Variants in POLQ observed in about 807,000 individuals in gnomAD.
POLQ encodes the protein epididymis secretory sperm binding protein.
Under a neutral mutation model 259.2 loss-of-function variants are expected in POLQ, and 233 were observed. That is an observed-to-expected ratio of 0.90 (90% CI 0.81 to 1.00). The LOEUF (loss-of-function observed/expected upper bound fraction) is 1.00, where lower values mean the gene tolerates loss of function less well. Ranked by LOEUF, POLQ falls within the 50% of genes least tolerant of loss-of-function variation. POLQ has a pLI of 0.00. For synonymous variants in POLQ, 1,025 were observed against 1,048.8 expected (o/e 0.98, Z 0.44); for missense variants, 2,871 against 3,051.6 (o/e 0.94, Z 1.39).
In POLQ at chr3:121,483,410, C is replaced by A; in HGVS notation, c.5946G>T (p.Leu1982Phe). 1 of 1,576,824 alleles carries A rather than the reference C, an allele frequency of 6.3e-7. No individual in the cohort carries two copies. The highest frequency in any genetic ancestry group is 8.6e-7 in the Non-Finnish European group (1 of 1,167,376). The change falls in exon 18 of 30, where the codon TTG (leucine) becomes TTT (phenylalanine). Residue 1982 changes from leucine to phenylalanine, a missense_variant. Coordinates refer to ENST00000264233, the MANE Select transcript of POLQ (RefSeq NM_199420.4). Reference protein sequence around the residue: ...KILLLSCGISLEQSYEDPKVA... With the variant: ...KILLLSCGISFEQSYEDPKVA... ...CCTTAGGATCTTCATAACTTTGCTC[C>A]AAGGAGATGCCACAAGAAAGAAGAA...
At chr3:121,472,824 A>G (rs1183789186) in intron 21 of POLQ, among the ~76,000 whole-genome samples, 1 of 152,326 alleles carries the variant, frequency 6.6e-6, no homozygotes, top group African/African-American at 2.4e-5. Context: ...CCCCTGAAAC[A>G]TCTGTAAAAA....
chr3:121,500,406 A>T (rs773827935), intron 12 of POLQ, among the ~76,000 whole-genome samples: 49 of 152,240 alleles, frequency 3.2e-4, no homozygotes, highest in Non-Finnish European at 3.2e-4. Flanking sequence ...TGCTAGGATT[A>T]AAGGCGTGAG....
Position 121,488,632 on chromosome 3 carries a change from A to C in POLQ, c.4299T>G (p.Asn1433Lys), listed in dbSNP as rs1267871609. Residue 1433 changes from asparagine (N) to lysine (K), a missense_variant, in exon 16 of 30, where the codon AAT (asparagine) becomes AAG (lysine). By Grantham distance (94) the Asn-to-Lys change is moderately conservative. Transcript: ENST00000264233. ...ATTGTGAATCAGTAACAGAAACTTC[A>C]TTCTTTTTTAAAAAAAGACCATTTT... The part of the protein sequence containing the change: ...LEENGLFLKK[N>K]EVSVTDSQLN... 3 of 1,602,134 alleles carry C rather than the reference A, an allele frequency of 1.9e-6. No individual in the cohort carries two copies. In the African/African-American group the frequency reaches 4.1e-5, roughly 22 times the overall value.
intron 17 of POLQ, among the ~76,000 whole-genome samples, chr3:121,484,560 T>C (rs767277370): frequency 3.3e-5 from 5 of 152,154 alleles, no homozygotes; most frequent in African/African-American, 4.8e-5. Context: ...AAAACATTAA[T>C]TCTAGTTAAT....
At chr3:121,435,298 T>A (rs2047533644) in intron 28 of POLQ, among the ~76,000 whole-genome samples, 1 of 152,086 alleles carries the variant, frequency 6.6e-6, no homozygotes, top group South Asian at 2.1e-4. Context: ...AAATAATTTA[T>A]CCAAGCAATA....
intron 24 of POLQ, among the ~76,000 whole-genome samples, chr3:121,463,848 GT>G (rs1336062453): frequency 6.6e-6 from 1 of 151,908 alleles, no homozygotes; most frequent in Non-Finnish European, 1.5e-5. Context: ...TTTATGTTTA[GT>G]TTTCTAAATC....
intron 26 of POLQ, 69 bp from the exon 27 acceptor site, chr3:121,440,185 A>C: frequency 1.7e-6 from 2 of 1,187,236 alleles, no homozygotes; most frequent in Non-Finnish European, 1.2e-6. Flanking sequence ...ACTGGCTTAA[A>C]TATGGCAAAA....
intron 26 of POLQ, 55 bp downstream of exon 26, chr3:121,449,260 A>T (rs565833016): frequency 3.3e-6 from 3 of 911,452 alleles, no homozygotes; most frequent in East Asian, 4.9e-5. Context: ...ACAAATTTTT[A>T]AAAATATAAT....
At chr3:121,432,620 T>G (rs1355646497) in intron 29 of POLQ, among the ~76,000 whole-genome samples, 4 of 152,238 alleles carry the variant, frequency 2.6e-5, no homozygotes, top group Non-Finnish European at 2.9e-5. Context: ...AGCAGGAATT[T>G]CTGAAAGTTT....
chr3:121,456,759 C>T (rs2047742419), intron 25 of POLQ, among the ~76,000 whole-genome samples: 1 of 152,140 alleles, frequency 6.6e-6, no homozygotes, highest in Non-Finnish European at 1.5e-5. Flanking sequence ...GAAGAACATT[C>T]CATGCTCATA....
Position 121,449,427 on chromosome 3 carries a change from C to T in POLQ, c.7153-1G>A, listed in dbSNP as rs767715243. ...TTCCATAAATGATCCCATAGCAAAT[C>T]TGAAAGGGAGTCATCCAACAAATAA... On this transcript the variant is annotated splice_acceptor_variant, in intron 25 of 29. Coordinates refer to ENST00000264233, the MANE Select transcript of POLQ (RefSeq NM_199420.4). LOFTEE classifies it high-confidence loss of function. 5 of 1,469,844 alleles carry T rather than the reference C, an allele frequency of 3.4e-6. No individual in the cohort carries two copies. The highest frequency in any genetic ancestry group is 4.8e-6 in the Non-Finnish European group (5 of 1,048,632). 91.1% of individuals were successfully genotyped at this position (1,469,844 alleles called of 1,614,324 possible). A position where few individuals can be genotyped will look rare whatever the true frequency, so the allele number is the denominator to read the frequency against.
At chr3:121,467,449 C>T in intron 24 of POLQ, 70 bp downstream of exon 24, 2 of 1,492,572 alleles carry the variant, frequency 1.3e-6, no homozygotes, top group Non-Finnish European at 1.9e-6. Flanking sequence ...ACTCATATTT[C>T]AGGCTTTATC....
chr3:121,492,872 T>C lies in POLQ; in HGVS notation c.2522+606A>G, dbSNP rs547687871. Reference sequence around the variant, plus strand: ...TATGTTGCTCAGGCTAGTCTTGAACTCCTAAGCTCAAACAATCAGCCTCAG... The same window carrying C: ...TATGTTGCTCAGGCTAGTCTTGAACCCCTAAGCTCAAACAATCAGCCTCAG... On this transcript the variant is annotated intron_variant, in intron 15 of 29. Coordinates refer to ENST00000264233, the MANE Select transcript of POLQ (RefSeq NM_199420.4). 2.7e-5 allele frequency among the ~76,000 whole-genome samples: 4 copies of C among 150,284 alleles called. No homozygotes were observed. In the South Asian group the frequency reaches 6.3e-4, roughly 24 times the overall value.
intron 9 of POLQ, among the ~76,000 whole-genome samples, chr3:121,516,140 G>T (rs186268786): frequency 6.6e-6 from 1 of 152,082 alleles, no homozygotes; most frequent in Admixed American, 6.6e-5. Context: ...GTTTCAGTTA[G>T]ACAGGAAGAA....
At position 121,498,571 on chromosome 3, in the gene POLQ, C is replaced by T. The variant is rs1462559824; in HGVS notation, c.2059G>A (p.Val687Met). 1 of 1,614,012 alleles carries T rather than the reference C, an allele frequency of 6.2e-7. No homozygotes were observed. The highest frequency in any genetic ancestry group is 8.5e-7 in the Non-Finnish European group (1 of 1,179,978). The change falls in exon 13 of 30, where the codon GTG (valine) becomes ATG (methionine). Residue 687 changes from valine (V) to methionine (M), a missense_variant. Transcript: ENST00000264233. The part of the protein sequence containing the change: ...PTSMKRVAEL[V>M]GVEEGFLARC... ...GCCAAGAACCCCTCTTCAACTCCCA[C>T]TAGCTCTGCCACCCTTTTCATTGAA... is the stretch of plus-strand genomic sequence containing the variant.
chr3:121,464,218 A>G (rs191591169), intron 24 of POLQ, among the ~76,000 whole-genome samples: 54 of 152,256 alleles, frequency 3.5e-4, no homozygotes, highest in Admixed American at 3.5e-3. Flanking sequence ...TGGAAATGAA[A>G]ACTTTTCATA....
chr3:121,459,383 T>TTG (rs1560089425), intron 25 of POLQ, among the ~76,000 whole-genome samples: 1 of 146,828 alleles, frequency 6.8e-6, no homozygotes, highest in Non-Finnish European at 1.5e-5. Context: ...TTTTTTTTTT[T>TTG]TTTTTTTTTG....
At chr3:121,452,148 A>G (rs984420143) in intron 25 of POLQ, among the ~76,000 whole-genome samples, 1 of 152,204 alleles carries the variant, frequency 6.6e-6, no homozygotes, top group African/African-American at 2.4e-5. Flanking sequence ...GCGCAGTATT[A>G]GGGTGGGAGT....
Position 121,487,476 on chromosome 3 carries a change from A to C in POLQ, c.5455T>G (p.Ser1819Ala), listed in dbSNP as rs760774027. 7 of 1,613,990 alleles carry C rather than the reference A, an allele frequency of 4.3e-6. No homozygotes were observed. The Admixed American group carries it at 1.0e-4, about 23-fold the overall frequency. ...ATGGACAAACTTTCTGAACTGCTTG[A>C]GGCTGGAGTTAACTGTAATCCATCC... Reference protein sequence around the residue: ...SQDGLQLTPASSSSESLSIID... With the variant: ...SQDGLQLTPAASSSESLSIID... The change falls in exon 16 of 30, where the codon TCA (serine) becomes GCA (alanine). Residue 1819 changes from serine (S) to alanine (A), a missense_variant. By Grantham distance (99) the Ser-to-Ala change is moderately conservative. Coordinates refer to ENST00000264233, the MANE Select transcript of POLQ (RefSeq NM_199420.4).
Sources: gnomAD v4.1 joint callset for allele counts (sites outside exome capture counted in the v4.1 genomes callset) on GRCh38, gnomAD v4.1.1 for gene constraint, MANE v1.5 for transcripts, NCBI Gene and HGNC (gene_info 2026-07-23, HGNC 2026-07-21) for gene names.